KATNAL1: variants seen among roughly 807,000 people sequenced by gnomAD.
The protein encoded by KATNAL1 is katanin p60 ATPase-containing subunit A-like 1.
In KATNAL1, 32 loss-of-function variants were observed where a neutral mutation model predicts 55.2. That is an observed-to-expected ratio of 0.58 (90% CI 0.44 to 0.78). The LOEUF is 0.78. Ranked by LOEUF, KATNAL1 falls within the 30% of genes least tolerant of loss-of-function variation. KATNAL1 has a pLI of 0.00. For missense variants in KATNAL1, 466 were observed against 600.9 expected, an observed-to-expected ratio of 0.78 and a Z score of 2.35; for synonymous variants, 193 against 193.6, an observed-to-expected ratio of 1.00 and a Z score of 0.02.
intron 4 of KATNAL1, among the ~76,000 whole-genome samples, chr13:30,246,537 CA>C (rs1345900731): frequency 6.6e-6 from 1 of 152,144 alleles, no homozygotes; most frequent in Non-Finnish European, 1.5e-5. Flanking sequence ...CCGAAATTGA[CA>C]AATGGGATCT....
intron 3 of KATNAL1, among the ~76,000 whole-genome samples, chr13:30,273,151 A>G (rs1880509875): frequency 6.6e-6 from 1 of 152,110 alleles, no homozygotes; most frequent in African/African-American, 2.4e-5. Flanking sequence ...GCACACAAAC[A>G]TCCTGTTATT....
At chr13:30,296,813 C>G (rs567552476) in intron 1 of KATNAL1, 1 of 400,444 alleles carries the variant, frequency 2.5e-6, no homozygotes, top group African/African-American at 2.1e-5. Context: ...TACCTAGGTG[C>G]CCTGTGCTGA....
chr13:30,208,640 T>C lies in KATNAL1; in HGVS notation c.1373A>G (p.Lys458Arg). Residue 458 changes from lysine (K) to arginine (R), a missense_variant, in exon 11 of 11, where the codon AAA becomes AGA. Lys to Arg is a conservative substitution (Grantham distance 26). Coordinates refer to ENST00000380615, the MANE Select transcript of KATNAL1 (RefSeq NM_032116.5). ...CTTTAGGGCCAATTCAAAGTCTCCT[T>C]TGGTAACAGGCATCTGAAGTTCCTC... ...SKEELQMPVT[K>R]GDFELALKKI... The C allele has an allele frequency of 1.9e-6, 3 of 1,614,010 alleles. No individual in the cohort carries two copies. Among genetic ancestry groups the C allele is most frequent in the Non-Finnish European group, 2.5e-6 (3 of 1,179,922 alleles).
intron 4 of KATNAL1, among the ~76,000 whole-genome samples, chr13:30,244,968 G>A (rs1877640618): frequency 1.3e-5 from 2 of 150,860 alleles, no homozygotes; most frequent in African/African-American, 4.9e-5. Flanking sequence ...TTCTACCAGA[G>A]GTAAAAAGAG....
In KATNAL1 at chr13:30,255,477, C is replaced by G; in HGVS notation, c.462G>C (p.Lys154Asn). 6.3e-7 allele frequency: 1 copy of G among 1,592,758 alleles called. No homozygotes were observed. Among genetic ancestry groups the G allele is most frequent in the Non-Finnish European group, 8.6e-7 (1 of 1,169,570 alleles). Reference sequence around the variant, plus strand: ...CATCTCTCCCTCTTGCTCTATAGTCCTTGTCCCTACTTGTAGAAGGCTTTT... The same window carrying G: ...CATCTCTCCCTCTTGCTCTATAGTCGTTGTCCCTACTTGTAGAAGGCTTTT... ...KSEKPSTSRD[K>N]DYRARGRDDK... Residue 154 changes from lysine to asparagine, a missense_variant, in exon 4 of 11, where the codon AAG (lysine) becomes AAC (asparagine). Physicochemically the swap from Lys to Asn is moderately conservative, Grantham distance 94. Transcript: ENST00000380615.
chr13:30,246,705 CAAAT>C (rs1441694425), intron 4 of KATNAL1, among the ~76,000 whole-genome samples: 2 of 152,016 alleles, frequency 1.3e-5, no homozygotes, highest in African/African-American at 4.8e-5. Flanking sequence ...GAAAAAAACA[CAAAT>C]AACCCCATCA....
chr13:30,270,298 T>TG (rs1273898592), intron 3 of KATNAL1, among the ~76,000 whole-genome samples: 5 of 105,688 alleles, frequency 4.7e-5, no homozygotes, highest in Non-Finnish European at 8.0e-5. Flanking sequence ...AGGAGGGAGG[T>TG]GGGGGGTCAG....
At chr13:30,256,652 A>G (rs1322406959) in intron 3 of KATNAL1, among the ~76,000 whole-genome samples, 7 of 152,216 alleles carry the variant, frequency 4.6e-5, no homozygotes, top group African/African-American at 1.4e-4. Flanking sequence ...GAAAATGGAT[A>G]AAAAGCCATG....
intron 8 of KATNAL1, among the ~76,000 whole-genome samples, chr13:30,229,752 CT>C (rs1566093907): frequency 6.6e-6 from 1 of 151,962 alleles, no homozygotes; most frequent in Non-Finnish European, 1.5e-5. Context: ...CCCCAAAGAG[CT>C]TTTTTGTGTG....
At chr13:30,277,449 T>A (rs1273140170) in intron 3 of KATNAL1, among the ~76,000 whole-genome samples, 1 of 152,184 alleles carries the variant, frequency 6.6e-6, no homozygotes, top group Non-Finnish European at 1.5e-5. Context: ...TCTCATCAAC[T>A]CAAGTCAAAC....
chr13:30,278,164 AGTT>A (rs1388615005), intron 3 of KATNAL1, among the ~76,000 whole-genome samples: 3 of 151,770 alleles, frequency 2.0e-5, no homozygotes, highest in East Asian at 1.9e-4. Flanking sequence ...AACCTTGTGG[AGTT>A]GTTGTTTTCT....
At chr13:30,228,279 TA>T (rs1875713299) in intron 8 of KATNAL1, among the ~76,000 whole-genome samples, 2 of 152,362 alleles carry the variant, frequency 1.3e-5, no homozygotes, top group South Asian at 4.1e-4. Context: ...CTTTCTAGTC[TA>T]GCATAATAAA....
chr13:30,295,592 C>T (rs1882429529), intron 1 of KATNAL1, among the ~76,000 whole-genome samples: 1 of 151,612 alleles, frequency 6.6e-6, no homozygotes. Flanking sequence ...AGCAAGACCC[C>T]ATCTCTACAA....
rs559564756 is a variant in KATNAL1, at chr13:30,216,682, G to T, written c.1148-6240C>A. Among the ~76,000 whole-genome samples the T allele has an allele frequency of 1.8e-4, 28 of 152,306 alleles. 1 individual carries two copies. The South Asian group carries it at 5.8e-3, about 32-fold the overall frequency. ...AGTCCTCCAGTCAGGCTGGTGGCAG[G>T]AGGGGTAGGGAGAGAAAGGGGTGAG... On this transcript the variant is annotated intron_variant, in intron 9 of 10. Transcript: ENST00000380615.
intron 1 of KATNAL1, chr13:30,296,549 C>G (rs1294138278): frequency 2.7e-6 from 2 of 735,112 alleles, no homozygotes; most frequent in Non-Finnish European, 5.1e-6. Flanking sequence ...GCAAGGGTGT[C>G]CTTTGCCAGA....
intron 1 of KATNAL1, among the ~76,000 whole-genome samples, chr13:30,299,884 GT>G (rs1882753112): frequency 6.6e-6 from 1 of 152,062 alleles, no homozygotes; most frequent in Non-Finnish European, 1.5e-5. Flanking sequence ...TTTTGTAACT[GT>G]TTCATGACTC....
chr13:30,296,896 C>T (rs368228007), intron 1 of KATNAL1, among the ~76,000 whole-genome samples: 1 of 152,068 alleles, frequency 6.6e-6, no homozygotes, highest in East Asian at 1.9e-4. Context: ...AAGGCCTTCT[C>T]ATGCCTCCTC....
intron 1 of KATNAL1, among the ~76,000 whole-genome samples, chr13:30,295,816 G>A (rs551436422): frequency 6.6e-6 from 1 of 152,274 alleles, no homozygotes; most frequent in African/African-American, 2.4e-5. Flanking sequence ...GCTACTGTGG[G>A]TAAAATGCTA....
At chr13:30,263,671 A>C (rs1593909975) in intron 3 of KATNAL1, among the ~76,000 whole-genome samples, 1 of 150,018 alleles carries the variant, frequency 6.7e-6, no homozygotes. Context: ...CTTACAAGGG[A>C]TGTGAAGGAC....
Sources: gnomAD v4.1 joint callset for allele counts (sites outside exome capture counted in the v4.1 genomes callset) on GRCh38, gnomAD v4.1.1 for gene constraint, MANE v1.5 for transcripts, NCBI Gene and HGNC (gene_info 2026-07-23, HGNC 2026-07-21) for gene names.